CDH18: variants seen among roughly 807,000 people sequenced by gnomAD.
The protein encoded by CDH18 is cadherin-18.
Under a neutral mutation model 67.9 loss-of-function variants are expected in CDH18, and 31 were observed. The ratio of observed to expected loss-of-function variants is 0.46; its 90% CI spans 0.34 to 0.62. The LOEUF is 0.62. Ranked by LOEUF, CDH18 falls within the 20% of genes least tolerant of loss-of-function variation. The pLI is 0.01. For synonymous variants in CDH18, 362 were observed against 347.2 expected (o/e 1.04, Z -0.48); for missense variants, 890 against 975.5 (o/e 0.91, Z 1.17).
At chr5:19,968,294 C>A (rs1470891687) in intron 2 of CDH18, among the ~76,000 whole-genome samples, 1 of 152,066 alleles carries the variant, frequency 6.6e-6, no homozygotes, top group Non-Finnish European at 1.5e-5. Context: ...TCAATGCCAT[C>A]CCCATCAAGC....
At chr5:19,995,207 G>A (rs779528776) in intron 2 of CDH18, among the ~76,000 whole-genome samples, 12 of 151,900 alleles carry the variant, frequency 7.9e-5, no homozygotes, top group Non-Finnish European at 1.5e-4. Flanking sequence ...TGTTTTACCA[G>A]CTATCTAAGC....
At position 20,400,180 on chromosome 5, in the gene CDH18, A is replaced by C. The variant is rs539975094; in HGVS notation, c.-579-144675T>G. On this transcript the variant is annotated intron_variant, in intron 1 of 14. Coordinates refer to the CDH18 transcript ENST00000507958. ...AAGCTCTGACTCTGCTTTATCAACT[A>C]CATTTATGAAATATCCTAATCCTGT... Among the ~76,000 whole-genome samples the C allele has an allele frequency of 2.0e-5, 3 of 152,274 alleles. No individual in the cohort carries two copies. The South Asian group carries it at 6.2e-4, about 32-fold the overall frequency.
Position 19,958,379 on chromosome 5 carries a change from C to CAAAAAAAA in CDH18, c.-257+22673_-257+22680dup, listed in dbSNP as rs57913629. On this transcript the variant is annotated intron_variant, in intron 2 of 12. Transcript: ENST00000382275. ...CTCAATAGGATGATCTTTCCTTCAC[C>CAAAAAAAA]AAAAAAAAAAAAAAAAAAAAAGGAG... Among the ~76,000 whole-genome samples, 89 of 66,612 alleles carry CAAAAAAAA rather than the reference C, an allele frequency of 1.3e-3. 2 individuals are homozygous for CAAAAAAAA. The highest frequency in any genetic ancestry group is 2.7e-3 in the Admixed American group (13 of 4,902). The allele number at this position is 66,612 out of a possible 152,430, so 43.7% of individuals were successfully genotyped here.
At chr5:20,505,737 C>G (rs1343070377) in intron 1 of CDH18, among the ~76,000 whole-genome samples, 1 of 152,216 alleles carries the variant, frequency 6.6e-6, no homozygotes, top group Non-Finnish European at 1.5e-5. Flanking sequence ...ATCTGGTCTT[C>G]AGATGCATTT....
At chr5:19,901,331 A>G (rs1258730633) in intron 2 of CDH18, among the ~76,000 whole-genome samples, 1 of 152,152 alleles carries the variant, frequency 6.6e-6, no homozygotes, top group Non-Finnish European at 1.5e-5. Flanking sequence ...AAGAAAATAT[A>G]TAATTCAGTA....
chr5:19,995,617 A>T (rs929406020), intron 2 of CDH18, among the ~76,000 whole-genome samples: 1 of 151,946 alleles, frequency 6.6e-6, no homozygotes, highest in South Asian at 2.1e-4. Flanking sequence ...AAAAAAAAAA[A>T]AAAAAACTTT....
intron 2 of CDH18, among the ~76,000 whole-genome samples, chr5:19,846,884 C>T (rs562801157): frequency 3.3e-5 from 5 of 151,702 alleles, no homozygotes; most frequent in Non-Finnish European, 5.9e-5. Context: ...GTCAGACTTG[C>T]TGGATATAAT....
intron 1 of CDH18, among the ~76,000 whole-genome samples, chr5:20,360,164 A>C (rs28739449): frequency 7.0e-6 from 1 of 143,808 alleles, no homozygotes; most frequent in East Asian, 2.2e-4. Flanking sequence ...TATTATTGTA[A>C]CTATAATAAA....
intron 1 of CDH18, among the ~76,000 whole-genome samples, chr5:20,343,487 T>C (rs1740439623): frequency 6.6e-6 from 1 of 152,110 alleles, no homozygotes; most frequent in African/African-American, 2.4e-5. Context: ...CAGATAGTGG[T>C]GCAAATATAT....
rs115541388 is a variant in CDH18, at chr5:19,608,927, A to G, written c.811+3507T>C. Among the ~76,000 whole-genome samples, 1,133 of 151,932 alleles carry G rather than the reference A, an allele frequency of 7.5e-3. 20 individuals are homozygous for G. The highest frequency in any genetic ancestry group is 0.026 in the African/African-American group (1,089 of 41,526). ...ATCTTACAAGAGCAATCCTCAATAC[A>G]ACAATATAATTCCTTCCATTTAGGA... On this transcript the variant is annotated intron_variant, in intron 6 of 12. Transcript: ENST00000382275.
intron 2 of CDH18, among the ~76,000 whole-genome samples, chr5:19,927,278 G>C (rs2150186985): frequency 6.6e-6 from 1 of 152,218 alleles, no homozygotes; most frequent in African/African-American, 2.4e-5. Flanking sequence ...CATTACTCAG[G>C]ACACAGCAGG....
intron 1 of CDH18, among the ~76,000 whole-genome samples, chr5:20,480,926 G>A (rs1330295261): frequency 6.6e-6 from 1 of 151,974 alleles, no homozygotes; most frequent in African/African-American, 2.4e-5. Context: ...CAAAAATTTG[G>A]ATGTAAAGGA....
chr5:19,534,334 A>C (rs1367900302), intron 9 of CDH18, among the ~76,000 whole-genome samples: 2 of 152,196 alleles, frequency 1.3e-5, no homozygotes, highest in Admixed American at 6.5e-5. Flanking sequence ...TTTAATGGCT[A>C]TGTAAAATGA....
At chr5:19,681,664 T>C (rs1360596164) in intron 5 of CDH18, among the ~76,000 whole-genome samples, 4 of 151,988 alleles carry the variant, frequency 2.6e-5, no homozygotes, top group African/African-American at 7.2e-5. Context: ...TGAGTAGCCC[T>C]ACAAACCCAG....
chr5:20,255,908 T>C (rs201773255), intron 1 of CDH18, among the ~76,000 whole-genome samples: 18 of 151,720 alleles, frequency 1.2e-4, no homozygotes, highest in Non-Finnish European at 2.2e-4. Context: ...TAAATGTTTA[T>C]GTTATTTTAA....
At chr5:19,855,501 G>A (rs900323773) in intron 2 of CDH18, among the ~76,000 whole-genome samples, 4 of 151,566 alleles carry the variant, frequency 2.6e-5, no homozygotes, top group African/African-American at 7.3e-5. Flanking sequence ...TTTTTTTCTT[G>A]TTTTAAGCAA....
intron 1 of CDH18, among the ~76,000 whole-genome samples, chr5:20,296,022 C>T (rs1224695163): frequency 6.6e-6 from 1 of 150,764 alleles, no homozygotes; most frequent in Non-Finnish European, 1.5e-5. Flanking sequence ...CAGGCACATG[C>T]CACCATGCCT....
intron 1 of CDH18, among the ~76,000 whole-genome samples, chr5:20,326,979 T>A (rs9292920): frequency 0.11 from 16,522 of 152,160 alleles, 1,457 homozygotes; most frequent in East Asian, 0.36. Context: ...ACTGTGACCC[T>A]TGTTAAAACA....
chr5:19,664,916 T>A (rs1045576421), intron 5 of CDH18, among the ~76,000 whole-genome samples: 3 of 151,990 alleles, frequency 2.0e-5, no homozygotes, highest in African/African-American at 7.2e-5. Context: ...GAATAAGGAC[T>A]GACGTAGAGT....
Sources: allele counts gnomAD v4.1 joint callset (sites outside exome capture counted in the v4.1 genomes callset), GRCh38; gene constraint gnomAD v4.1.1; transcripts MANE v1.5; gene names NCBI Gene and HGNC (gene_info 2026-07-23, HGNC 2026-07-21).